SNAP91: variants seen among roughly 807,000 people sequenced by gnomAD.
SNAP91 encodes the protein synaptosome associated protein 91, also known as clathrin coat assembly protein AP180.
Under a neutral mutation model 100.3 loss-of-function variants are expected in SNAP91, and 27 were observed. The observed-to-expected ratio is 0.27, with a 90% CI of 0.20 to 0.37. The LOEUF (loss-of-function observed/expected upper bound fraction) is 0.37. Ranked by LOEUF, SNAP91 falls within the 10% of genes least tolerant of loss-of-function variation. The probability of loss-of-function intolerance (pLI) is 1.00; values close to 1 mark genes in which losing one functional copy is unlikely to be tolerated. For missense variants in SNAP91, 986 were observed against 1,123.7 expected (o/e 0.88, Z 1.75); for synonymous variants, 404 against 398.6 (o/e 1.01, Z -0.16).
At chr6:83,617,787 C>T (rs2096559845) in intron 9 of SNAP91, among the ~76,000 whole-genome samples, 2 of 151,606 alleles carry the variant, frequency 1.3e-5, no homozygotes, top group Admixed American at 1.3e-4. Context: ...ATAATAGGTT[C>T]ACGCAAATTT....
chr6:83,600,916 C>T (rs181098180), intron 16 of SNAP91, among the ~76,000 whole-genome samples: 56 of 152,068 alleles, frequency 3.7e-4, no homozygotes, highest in Non-Finnish European at 6.5e-4. Context: ...CTAATCTGGC[C>T]GAAAAGCTAA....
At chr6:83,648,756 C>A (rs2098070612) in intron 7 of SNAP91, among the ~76,000 whole-genome samples, 1 of 149,894 alleles carries the variant, frequency 6.7e-6, no homozygotes, top group South Asian at 2.1e-4. Flanking sequence ...CATTTTATAT[C>A]TTCTTTTGTA....
chr6:83,643,092 C>T (rs1053079178), intron 7 of SNAP91, among the ~76,000 whole-genome samples: 4 of 152,002 alleles, frequency 2.6e-5, no homozygotes, highest in Admixed American at 2.0e-4. Context: ...GATATTAGCC[C>T]TTTGTCAGAT....
intron 8 of SNAP91, among the ~76,000 whole-genome samples, chr6:83,632,314 C>G (rs2097242941): frequency 6.6e-6 from 1 of 152,066 alleles, no homozygotes; most frequent in African/African-American, 2.4e-5. Flanking sequence ...TCTCACAGCT[C>G]TTAAGATTCT....
At chr6:83,638,412 G>C (rs959511934) in intron 8 of SNAP91, among the ~76,000 whole-genome samples, 2 of 151,806 alleles carry the variant, frequency 1.3e-5, no homozygotes, top group African/African-American at 4.8e-5. Flanking sequence ...TTTGGCTTTA[G>C]GAACAGTTTA....
At chr6:83,660,533 G>C (rs183166156) in intron 5 of SNAP91, among the ~76,000 whole-genome samples, 38 of 152,232 alleles carry the variant, frequency 2.5e-4, no homozygotes, top group African/African-American at 8.9e-4. Context: ...GCACAAATGT[G>C]TGGCTGAATG....
intron 26 of SNAP91, among the ~76,000 whole-genome samples, chr6:83,565,386 C>A (rs1795145604): frequency 1.3e-5 from 2 of 152,070 alleles, no homozygotes; most frequent in Non-Finnish European, 2.9e-5. Context: ...TATTTGCCAC[C>A]TTAGAGAGTC....
intron 7 of SNAP91, among the ~76,000 whole-genome samples, chr6:83,651,626 T>C (rs1444146951): frequency 2.0e-5 from 3 of 152,174 alleles, no homozygotes; most frequent in Non-Finnish European, 4.4e-5. Context: ...TCCTATTATT[T>C]TAAATTTGTC....
At chr6:83,694,578 C>T (rs1376175374) in intron 2 of SNAP91, among the ~76,000 whole-genome samples, 2 of 152,162 alleles carry the variant, frequency 1.3e-5, no homozygotes, top group Admixed American at 1.3e-4. Context: ...TTTTGGAAAA[C>T]TCTCTCTCTA....
chr6:83,564,899 G>T (rs1282569478), intron 26 of SNAP91, among the ~76,000 whole-genome samples: 1 of 151,784 alleles, frequency 6.6e-6, no homozygotes, highest in Non-Finnish European at 1.5e-5. Flanking sequence ...AGAAAAAATA[G>T]ATAAATTGGA....
chr6:83,630,712 C>T (rs1348206987), intron 8 of SNAP91, among the ~76,000 whole-genome samples: 1 of 151,096 alleles, frequency 6.6e-6, no homozygotes, highest in East Asian at 1.9e-4. Context: ...TCTTACTGAG[C>T]TTATTTGGAT....
chr6:83,575,795 A>G (rs1026084925), intron 25 of SNAP91, among the ~76,000 whole-genome samples: 1 of 152,236 alleles, frequency 6.6e-6, no homozygotes, highest in African/African-American at 2.4e-5. Flanking sequence ...ACTTAGTGAC[A>G]ATCTCGGAGA....
At chr6:83,561,821 G>A (rs971806835) in intron 26 of SNAP91, among the ~76,000 whole-genome samples, 10 of 152,050 alleles carry the variant, frequency 6.6e-5, no homozygotes, top group East Asian at 1.9e-4. Flanking sequence ...GCAACATAGC[G>A]GTATGGGCAA....
chr6:83,693,296 A>C (rs1396721779), intron 2 of SNAP91, among the ~76,000 whole-genome samples: 1 of 152,186 alleles, frequency 6.6e-6, no homozygotes, highest in African/African-American at 2.4e-5. Flanking sequence ...GGCTTTGTGA[A>C]GATGAAGTCA....
At chr6:83,669,444 G>A (rs1401256986) in intron 2 of SNAP91, among the ~76,000 whole-genome samples, 1 of 151,684 alleles carries the variant, frequency 6.6e-6, no homozygotes, top group Non-Finnish European at 1.5e-5. Flanking sequence ...TTTGAACTTG[G>A]GAAGATATAT....
intron 28 of SNAP91, among the ~76,000 whole-genome samples, chr6:83,558,590 C>T (rs970443479): frequency 1.3e-5 from 2 of 152,166 alleles, no homozygotes; most frequent in Non-Finnish European, 2.9e-5. Flanking sequence ...ATTTTGGGAA[C>T]AGGTCAATGG....
intron 2 of SNAP91, among the ~76,000 whole-genome samples, chr6:83,692,502 G>A (rs1404828393): frequency 1.1e-4 from 15 of 131,834 alleles, no homozygotes; most frequent in South Asian, 1.1e-3. Context: ...GCAAGATGGC[G>A]AGACTCTGTC....
At chr6:83,664,363 A>T (rs1044418299) in intron 3 of SNAP91, among the ~76,000 whole-genome samples, 4 of 152,160 alleles carry the variant, frequency 2.6e-5, no homozygotes, top group African/African-American at 9.6e-5. Context: ...TCTAGAAAAG[A>T]TTGACCATTC....
chr6:83,706,415 TTTC>T (rs1467726414), intron 2 of SNAP91, among the ~76,000 whole-genome samples: 5 of 152,264 alleles, frequency 3.3e-5, no homozygotes, highest in Admixed American at 3.3e-4. Context: ...TGGTGGCCTC[TTTC>T]ATCCTGTACT....
Sources: gnomAD v4.1 joint callset for allele counts (sites outside exome capture counted in the v4.1 genomes callset) on GRCh38, gnomAD v4.1.1 for gene constraint, MANE v1.5 for transcripts, NCBI Gene and HGNC (gene_info 2026-07-23, HGNC 2026-07-21) for gene names.